Variants in DGKB observed in about 807,000 individuals in gnomAD.
DGKB encodes 90 kDa diacylglycerol kinase.
In DGKB, 67 loss-of-function variants were observed where a neutral mutation model predicts 114.3. That is an observed-to-expected ratio of 0.59 (90% CI 0.48 to 0.72). The LOEUF is 0.72. Among genes scored for constraint, DGKB ranks in the 30% least tolerant of loss-of-function variants. DGKB has a pLI of 0.00. For missense variants in DGKB, 907 were observed against 975.2 expected (o/e 0.93, Z 0.93); for synonymous variants, 398 against 323.1 (o/e 1.23, Z -2.49).
chr7:14,275,986 T>C (rs1047306964), intron 23 of DGKB, among the ~76,000 whole-genome samples: 1 of 152,242 alleles, frequency 6.6e-6, no homozygotes, highest in African/African-American at 2.4e-5. Flanking sequence ...AATCCTCTTC[T>C]TGCTTTTAGT....
rs62443482 is a variant in DGKB, at chr7:14,507,545, A to G, written c.1771-29320T>C. 5.3e-3 allele frequency among the ~76,000 whole-genome samples: 806 copies of G among 152,332 alleles called. 5 individuals are homozygous for G. The highest frequency in any genetic ancestry group is 0.017 in the Middle Eastern group (5 of 294). ...TTTCATTTTGTATTACACTTTGCAC[A>G]GAAAATTTCACAGTGTTCTCATTTT... On this transcript the variant is annotated intron_variant, in intron 20 of 25. Transcript: ENST00000402815.
chr7:14,950,113 A>C (rs1035280679), intron 1 of DGKB, among the ~76,000 whole-genome samples: 11 of 151,948 alleles, frequency 7.2e-5, no homozygotes, highest in African/African-American at 2.7e-4. Flanking sequence ...AATAAAAAAA[A>C]AGAAAAAAAA....
At chr7:14,270,580 T>A (rs1345389075) in intron 23 of DGKB, among the ~76,000 whole-genome samples, 1 of 152,212 alleles carries the variant, frequency 6.6e-6, no homozygotes, top group Non-Finnish European at 1.5e-5. Context: ...GCAATCTGAG[T>A]CTTTGTCCAT....
intron 21 of DGKB, among the ~76,000 whole-genome samples, chr7:14,384,149 G>C (rs916180503): frequency 1.3e-5 from 2 of 152,098 alleles, no homozygotes; most frequent in African/African-American, 4.8e-5. Context: ...TTTAATTTAC[G>C]TAAGTACATT....
chr7:14,916,154 T>A (rs181626011), intron 1 of DGKB, among the ~76,000 whole-genome samples: 1 of 151,948 alleles, frequency 6.6e-6, no homozygotes, highest in Non-Finnish European at 1.5e-5. Flanking sequence ...TAGCTGCCAA[T>A]ACATATTGCA....
At chr7:14,791,794 C>A (rs751053588) in intron 2 of DGKB, among the ~76,000 whole-genome samples, 17 of 152,080 alleles carry the variant, frequency 1.1e-4, no homozygotes, top group Non-Finnish European at 1.9e-4. Flanking sequence ...CATGACGTAT[C>A]ATTTTATGTA....
intron 20 of DGKB, among the ~76,000 whole-genome samples, chr7:14,551,958 T>C (rs1563486673): frequency 6.6e-6 from 1 of 152,178 alleles, no homozygotes; most frequent in Non-Finnish European, 1.5e-5. Context: ...TTTGGTTTAT[T>C]AAGCCCTAAT....
intron 21 of DGKB, among the ~76,000 whole-genome samples, chr7:14,424,565 T>G (rs1213415729): frequency 6.6e-6 from 1 of 152,126 alleles, no homozygotes; most frequent in Non-Finnish European, 1.5e-5. Context: ...TATCTGCTAT[T>G]TCATAATCTT....
chr7:14,219,363 G>T (rs556271774), intron 23 of DGKB, among the ~76,000 whole-genome samples: 1 of 151,864 alleles, frequency 6.6e-6, no homozygotes, highest in Non-Finnish European at 1.5e-5. Context: ...CTCTAAATTG[G>T]CAGCACTATT....
chr7:14,797,841 G>A (rs1281726461), intron 2 of DGKB, among the ~76,000 whole-genome samples: 5 of 152,068 alleles, frequency 3.3e-5, no homozygotes, highest in Non-Finnish European at 7.4e-5. Context: ...GCAGGAAGGA[G>A]GGTTACAGCT....
At chr7:14,397,972 T>C (rs73279077) in intron 21 of DGKB, among the ~76,000 whole-genome samples, 2,119 of 152,164 alleles carry the variant, frequency 0.014, 43 homozygotes, top group African/African-American at 0.049. Context: ...GTGCAAAAAA[T>C]AGTGTTGCAA....
At chr7:14,865,645 T>A (rs1349897300) in intron 1 of DGKB, among the ~76,000 whole-genome samples, 1 of 152,208 alleles carries the variant, frequency 6.6e-6, no homozygotes. Flanking sequence ...TTTGGTGGAT[T>A]CTCTGTAGAA....
intron 3 of DGKB, among the ~76,000 whole-genome samples, chr7:14,754,463 T>A (rs1443201224): frequency 1.3e-5 from 2 of 152,144 alleles, no homozygotes; most frequent in African/African-American, 4.8e-5. Context: ...ACGCCTAGCA[T>A]CTCTCCATAC....
intron 4 of DGKB, among the ~76,000 whole-genome samples, chr7:14,752,754 A>G (rs1035905402): frequency 4.6e-5 from 7 of 152,176 alleles, no homozygotes; most frequent in African/African-American, 1.7e-4. Context: ...GCCTCTAGTA[A>G]GGATGTAGGT....
intron 2 of DGKB, among the ~76,000 whole-genome samples, chr7:14,768,280 T>A (rs1234338877): frequency 1.3e-5 from 2 of 151,984 alleles, no homozygotes; most frequent in Non-Finnish European, 2.9e-5. Context: ...AGGCTATAAC[T>A]AACTGGACAC....
intron 9 of DGKB, among the ~76,000 whole-genome samples, chr7:14,689,127 C>T (rs1327428935): frequency 6.8e-6 from 1 of 146,756 alleles, no homozygotes; most frequent in Non-Finnish European, 1.5e-5. Flanking sequence ...TAACAAAGAA[C>T]ATTAAATTAC....
chr7:14,671,261 C>T (rs573664103), intron 13 of DGKB, among the ~76,000 whole-genome samples: 18 of 151,998 alleles, frequency 1.2e-4, no homozygotes, highest in African/African-American at 4.1e-4. Context: ...AAGCAAGTAT[C>T]CAGAGAAACA....
At chr7:14,760,455 A>G (rs979947306) in intron 2 of DGKB, among the ~76,000 whole-genome samples, 1 of 152,098 alleles carries the variant, frequency 6.6e-6, no homozygotes, top group African/African-American at 2.4e-5. Flanking sequence ...GCAGAGAGAG[A>G]CCAAACTGCA....
At chr7:14,539,017 T>G (rs1032175863) in intron 20 of DGKB, among the ~76,000 whole-genome samples, 2 of 152,054 alleles carry the variant, frequency 1.3e-5, no homozygotes, top group Non-Finnish European at 2.9e-5. Flanking sequence ...AGTGTAAAGT[T>G]TGTTATACAA....
Sources: allele counts gnomAD v4.1 joint callset (sites outside exome capture counted in the v4.1 genomes callset), GRCh38; gene constraint gnomAD v4.1.1; transcripts MANE v1.5; gene names NCBI Gene and HGNC (gene_info 2026-07-23, HGNC 2026-07-21).